Variants in CUX1 observed in about 807,000 individuals in gnomAD.
CUX1 encodes the protein protein CASP.
A neutral mutation model predicts 158.8 loss-of-function variants in CUX1; 31 were observed. The ratio of observed to expected loss-of-function variants is 0.20; its 90% CI spans 0.15 to 0.26. The LOEUF is 0.26. Among genes scored for constraint, CUX1 ranks in the 10% least tolerant of loss-of-function variants. The pLI is 1.00. For synonymous variants in CUX1, 879 were observed against 862.1 expected, an observed-to-expected ratio of 1.02 and a Z score of -0.34; for missense variants, 1,589 against 2,014.6, an observed-to-expected ratio of 0.79 and a Z score of 4.04.
At chr7:102,180,110 G>A (rs1463151678) in intron 11 of CUX1, among the ~76,000 whole-genome samples, 3 of 151,870 alleles carry the variant, frequency 2.0e-5, no homozygotes, top group Non-Finnish European at 2.9e-5. Context: ...TGCAACCTCC[G>A]CCTCCTGGAT....
intron 2 of CUX1, among the ~76,000 whole-genome samples, chr7:101,923,465 G>A (rs1032433141): frequency 2.0e-5 from 3 of 152,136 alleles, no homozygotes; most frequent in South Asian, 2.1e-4. Flanking sequence ...GACGTCAGTC[G>A]GCCCAGTCCT....
intron 3 of CUX1, 107 bp from the exon 4 acceptor site, chr7:102,070,232 C>G: frequency 2.2e-6 from 2 of 902,072 alleles, no homozygotes; most frequent in Non-Finnish European, 3.4e-6. Flanking sequence ...AGTTGTCAAG[C>G]ATCTCCCTTG....
intron 2 of CUX1, among the ~76,000 whole-genome samples, chr7:102,011,317 C>T (rs1817984592): frequency 6.6e-6 from 1 of 152,002 alleles, no homozygotes; most frequent in Admixed American, 6.6e-5. Context: ...TTGTGATCCT[C>T]TGCCTGGCAG....
chr7:102,158,723 A>C, intron 9 of CUX1, 115 bp downstream of exon 9: 1 of 911,922 alleles, frequency 1.1e-6, no homozygotes, highest in Non-Finnish European at 1.8e-6. Flanking sequence ...TTTTTTACTG[A>C]CAGCTTTCAA....
intron 1 of CUX1, among the ~76,000 whole-genome samples, chr7:101,842,781 G>A (rs1795299356): frequency 6.8e-6 from 1 of 148,124 alleles, no homozygotes; most frequent in African/African-American, 2.5e-5. Context: ...AGATTTTCCT[G>A]ATGTATTGGT....
intron 20 of CUX1, among the ~76,000 whole-genome samples, chr7:102,215,670 C>T (rs1313985666): frequency 1.3e-5 from 2 of 152,072 alleles, no homozygotes; most frequent in East Asian, 1.9e-4. Context: ...TCGTGGAAGA[C>T]GAAAATCTCA....
chr7:101,818,411 T>G (rs146384238), intron 1 of CUX1, among the ~76,000 whole-genome samples: 1 of 152,342 alleles, frequency 6.6e-6, no homozygotes, highest in East Asian at 1.9e-4. Flanking sequence ...GAAGTGTCTT[T>G]TTTAAAGCAT....
In CUX1 at chr7:102,253,238, T is replaced by C. The variant is rs1178075866; in HGVS notation, c.*4196T>C. On this transcript the variant is annotated 3_prime_UTR_variant, in exon 24 of 24. Transcript: ENST00000292535. ...CAGAGCTCTGGGTTAAATATTCCTT[T>C]CTGGCCACCGCCCAAGCCCAGGTGG... 1 of 985,398 alleles carries C rather than the reference T, an allele frequency of 1.0e-6. No homozygotes were observed. Among genetic ancestry groups the C allele is most frequent in the African/African-American group, 1.7e-5 (1 of 57,240 alleles). 61.0% of individuals were successfully genotyped at this position (985,398 alleles called of 1,614,324 possible).
Position 102,076,384 on chromosome 7 carries a change from A to G in CUX1, c.268+5967A>G, listed in dbSNP as rs1585554476. 2.0e-5 allele frequency among the ~76,000 whole-genome samples: 3 copies of G among 148,586 alleles called. No homozygotes were observed. The East Asian group carries it at 5.8e-4, about 29-fold the overall frequency. On this transcript the variant is annotated intron_variant, in intron 4 of 23. Coordinates refer to ENST00000292535, the MANE Select transcript of CUX1 (RefSeq NM_181552.4). ...TGGGTGACAGAGCAAGACTGTCTAA[A>G]AAATAAATAAAATTAAAAAAAAAAG...
At chr7:101,834,453 A>G (rs995874438) in intron 1 of CUX1, among the ~76,000 whole-genome samples, 8 of 152,150 alleles carry the variant, frequency 5.3e-5, no homozygotes, top group Non-Finnish European at 8.8e-5. Flanking sequence ...GATTACAGGC[A>G]TGAGCCACCA....
At chr7:101,914,299 GT>G (rs1010327321) in intron 1 of CUX1, among the ~76,000 whole-genome samples, 8 of 149,302 alleles carry the variant, frequency 5.4e-5, no homozygotes, top group African/African-American at 1.5e-4. Context: ...TGTCGTTGTT[GT>G]TTTTTTTTCT....
At chr7:102,182,538 TA>T (rs1342366670) in intron 11 of CUX1, among the ~76,000 whole-genome samples, 10 of 152,204 alleles carry the variant, frequency 6.6e-5, no homozygotes, top group African/African-American at 2.4e-4. Context: ...AAGCTCCCCA[TA>T]AATGCCCCGC....
At chr7:102,275,147 T>G in intron 16 of CUX1, 1 of 808,852 alleles carries the variant, frequency 1.2e-6, no homozygotes, top group Non-Finnish European at 2.0e-6. Context: ...CCCCATGGCA[T>G]TTGGCAGAAA....
intron 1 of CUX1, among the ~76,000 whole-genome samples, chr7:101,865,331 T>C (rs1474914422): frequency 6.6e-6 from 1 of 152,230 alleles, no homozygotes; most frequent in South Asian, 2.1e-4. Flanking sequence ...GTTTTTCTTC[T>C]TTGCAGTGGA....
intron 3 of CUX1, among the ~76,000 whole-genome samples, chr7:102,031,431 C>T (rs1585344173): frequency 6.6e-6 from 1 of 152,018 alleles, no homozygotes; most frequent in Admixed American, 6.6e-5. Context: ...TAGATTAGCC[C>T]ACATTCTCAG....
At chr7:102,261,730 C>G (rs781923365), downstream of CUX1, among the ~76,000 whole-genome samples, 47 of 152,064 alleles carry the variant, frequency 3.1e-4, no homozygotes, top group South Asian at 3.7e-3. Context: ...TGACCGTGAG[C>G]AAGTCTTAAG....
At chr7:102,164,589 G>T (rs1262797095) in intron 9 of CUX1, among the ~76,000 whole-genome samples, 1 of 152,234 alleles carries the variant, frequency 6.6e-6, no homozygotes, top group Admixed American at 6.5e-5. Flanking sequence ...TCACCACGGA[G>T]AGTGGGTCTC....
chr7:102,144,730 A>G (rs1554501525), intron 8 of CUX1, among the ~76,000 whole-genome samples: 2 of 151,948 alleles, frequency 1.3e-5, no homozygotes, highest in African/African-American at 2.4e-5. Context: ...TGATCAGGTA[A>G]ATCTAGCCAG....
intron 2 of CUX1, among the ~76,000 whole-genome samples, chr7:101,941,924 C>T (rs1291106507): frequency 7.2e-5 from 11 of 152,182 alleles, no homozygotes; most frequent in African/African-American, 2.4e-4. Flanking sequence ...GGAAAGGTTT[C>T]TCTCTCTCCC....
Sources: gnomAD v4.1 joint callset for allele counts (sites outside exome capture counted in the v4.1 genomes callset) on GRCh38, gnomAD v4.1.1 for gene constraint, MANE v1.5 for transcripts, NCBI Gene and HGNC (gene_info 2026-07-23, HGNC 2026-07-21) for gene names.